Variants in NRG3 observed in about 807,000 individuals in gnomAD.
NRG3 encodes pro-neuregulin-3, membrane-bound isoform.
A neutral mutation model predicts 66.9 loss-of-function variants in NRG3; 31 were observed. The observed-to-expected ratio is 0.46, with a 90% CI of 0.35 to 0.63. NRG3 has a LOEUF of 0.63. Among genes scored for constraint, NRG3 ranks in the 20% least tolerant of loss-of-function variants. The pLI is 0.00. For missense variants in NRG3, 910 were observed against 878.9 expected, an observed-to-expected ratio of 1.04 and a Z score of -0.45; for synonymous variants, 393 against 359.4, an observed-to-expected ratio of 1.09 and a Z score of -1.06.
intron 2 of NRG3, among the ~76,000 whole-genome samples, chr10:82,447,507 T>A (rs1175496586): frequency 6.6e-6 from 1 of 152,238 alleles, no homozygotes; most frequent in Non-Finnish European, 1.5e-5. Context: ...AAAATTTCAC[T>A]CACACTTTAA....
In NRG3 at chr10:82,272,625, A is replaced by G. The variant is rs184217664; in HGVS notation, c.824-86114A>G. ...AAAAGCACAGGGTTTACGCCTTTCT[A>G]CTTTGTTGTTCCTGAATTCAAAAAC... On this transcript the variant is annotated intron_variant, in intron 1 of 8. Coordinates refer to ENST00000372141, the MANE Select transcript of NRG3 (RefSeq NM_001010848.4). Among the ~76,000 whole-genome samples the G allele has an allele frequency of 1.9e-4, 29 of 152,120 alleles. 1 individual carries two copies. The East Asian group carries it at 5.4e-3, about 28-fold the overall frequency.
chr10:82,150,332 G>T (rs2070612382), intron 1 of NRG3, among the ~76,000 whole-genome samples: 2 of 151,876 alleles, frequency 1.3e-5, no homozygotes, highest in African/African-American at 4.8e-5. Flanking sequence ...CAGCTGATAG[G>T]AGACAGCTTC....
At chr10:82,390,508 C>T (rs981753562) in intron 2 of NRG3, among the ~76,000 whole-genome samples, 2 of 152,088 alleles carry the variant, frequency 1.3e-5, no homozygotes, top group Admixed American at 1.3e-4. Context: ...GGGGGACCTA[C>T]TTATGCATCT....
intron 2 of NRG3, among the ~76,000 whole-genome samples, chr10:82,668,108 TC>T (rs1431526465): frequency 6.6e-6 from 1 of 152,168 alleles, no homozygotes; most frequent in Non-Finnish European, 1.5e-5. Flanking sequence ...CTTCTCCTCT[TC>T]CCTCTTCTTC....
At chr10:82,383,451 A>G (rs2211633) in intron 2 of NRG3, among the ~76,000 whole-genome samples, 150,611 of 151,984 alleles carry the variant, frequency 0.99, 74,632 homozygotes, top group East Asian at 1. Flanking sequence ...TTTCTTTAGC[A>G]TTGACTCATT....
chr10:82,876,463 C>T (rs1339972642), intron 4 of NRG3, among the ~76,000 whole-genome samples: 1 of 151,804 alleles, frequency 6.6e-6, no homozygotes, highest in Admixed American at 6.6e-5. Flanking sequence ...AAGGGTATAG[C>T]TTGAACATTT....
intron 2 of NRG3, among the ~76,000 whole-genome samples, chr10:82,539,671 T>C (rs1350295234): frequency 6.6e-6 from 1 of 151,960 alleles, no homozygotes; most frequent in Non-Finnish European, 1.5e-5. Flanking sequence ...TCTCGCTTTG[T>C]CCCCCAGGCT....
At chr10:82,026,324 A>T (rs2062303966) in intron 1 of NRG3, among the ~76,000 whole-genome samples, 1 of 152,066 alleles carries the variant, frequency 6.6e-6, no homozygotes, top group Non-Finnish European at 1.5e-5. Flanking sequence ...AAATATTTTA[A>T]TAAATTGGTT....
At chr10:82,234,897 C>T (rs1026504823) in intron 1 of NRG3, among the ~76,000 whole-genome samples, 3 of 152,210 alleles carry the variant, frequency 2.0e-5, no homozygotes, top group Admixed American at 6.5e-5. Context: ...TTCCTTCAGC[C>T]GTGCTTGCCT....
intron 1 of NRG3, among the ~76,000 whole-genome samples, chr10:82,206,891 C>T (rs763403518): frequency 7.2e-5 from 11 of 152,160 alleles, no homozygotes; most frequent in African/African-American, 9.7e-5. Flanking sequence ...TTAAGCCTCA[C>T]GCCAAACTTA....
Position 82,608,137 on chromosome 10 carries a change from G to T in NRG3, c.954-130440G>T, listed in dbSNP as rs1183727283. Among the ~76,000 whole-genome samples, 3 of 152,060 alleles carry T rather than the reference G, an allele frequency of 2.0e-5. No individual in the cohort carries two copies. In the East Asian group the frequency reaches 5.8e-4, roughly 29 times the overall value. ...CAAAAAATTTCTTCAGTTTTTGTTT[G>T]TCTAAGAAAGTCTTAACTTTTGAAG... On this transcript the variant is annotated intron_variant, in intron 2 of 8. Transcript: ENST00000372141.
intron 1 of NRG3, among the ~76,000 whole-genome samples, chr10:81,932,167 TGAGA>T (rs1006902182): frequency 7.2e-6 from 1 of 139,326 alleles, no homozygotes; most frequent in Non-Finnish European, 1.6e-5. Flanking sequence ...AGAGAGAGAT[TGAGA>T]GAGAGGAGAG....
At position 82,458,849 on chromosome 10, in the gene NRG3, C is replaced by T. The variant is rs531737812; in HGVS notation, c.953+99981C>T. Among the ~76,000 whole-genome samples the T allele has an allele frequency of 2.0e-5, 3 of 152,348 alleles. No homozygotes were observed. The South Asian group carries it at 6.2e-4, about 32-fold the overall frequency. On this transcript the variant is annotated intron_variant, in intron 2 of 8. Transcript: ENST00000372141. ...GTACTCACAGGCTCACCTGAGGTAGCATTCCCCATGCCTCAGTGACTTGTG... is the reference window on the plus strand; with the variant it reads ...GTACTCACAGGCTCACCTGAGGTAGTATTCCCCATGCCTCAGTGACTTGTG...
intron 2 of NRG3, among the ~76,000 whole-genome samples, chr10:82,511,251 G>A: frequency 6.6e-6 from 1 of 151,922 alleles, no homozygotes; most frequent in Admixed American, 6.6e-5. Flanking sequence ...AAACAAACAA[G>A]CACAACAACA....
chr10:82,449,910 G>C (rs1404110744), intron 2 of NRG3, among the ~76,000 whole-genome samples: 4 of 152,084 alleles, frequency 2.6e-5, no homozygotes, highest in Non-Finnish European at 5.9e-5. Context: ...GAAGACTATG[G>C]GTGACATGAT....
At chr10:82,457,229 AG>A (rs2091306509) in intron 2 of NRG3, among the ~76,000 whole-genome samples, 1 of 152,152 alleles carries the variant, frequency 6.6e-6, no homozygotes, top group Non-Finnish European at 1.5e-5. Context: ...TTTTGGCACC[AG>A]GGACCAGTTT....
At chr10:82,789,142 T>C (rs1160584011) in intron 3 of NRG3, among the ~76,000 whole-genome samples, 1 of 152,152 alleles carries the variant, frequency 6.6e-6, no homozygotes, top group Non-Finnish European at 1.5e-5. Context: ...ATTTTCTTCA[T>C]ATTCTTACCA....
intron 1 of NRG3, among the ~76,000 whole-genome samples, chr10:81,978,677 G>A (rs2060215029): frequency 6.6e-6 from 1 of 151,882 alleles, no homozygotes; most frequent in Non-Finnish European, 1.5e-5. Context: ...TCTTATTTTC[G>A]TAAACTCTTA....
At chr10:82,643,898 ACACACC>A (rs936689654) in intron 2 of NRG3, among the ~76,000 whole-genome samples, 3 of 18,800 alleles carry the variant, frequency 1.6e-4, no homozygotes, top group Non-Finnish European at 2.9e-4. Context: ...ACACACACAC[ACACACC>A]CACACACACA....
Sources: gnomAD v4.1 joint callset for allele counts (sites outside exome capture counted in the v4.1 genomes callset) on GRCh38, gnomAD v4.1.1 for gene constraint, MANE v1.5 for transcripts, NCBI Gene and HGNC (gene_info 2026-07-23, HGNC 2026-07-21) for gene names.